Variants in CTNNA1 observed in about 807,000 individuals in gnomAD.
CTNNA1 encodes the protein catenin alpha-1.
Under a neutral mutation model 98.4 loss-of-function variants are expected in CTNNA1, and 37 were observed. That is an observed-to-expected ratio of 0.38 (90% confidence interval 0.29 to 0.49). The LOEUF is 0.49. CTNNA1 is among the 20% of genes least tolerant of loss of function. The pLI, the probability that CTNNA1 is intolerant of heterozygous loss-of-function variation, is 0.95. For synonymous variants in CTNNA1, 404 were observed against 413.2 expected, an observed-to-expected ratio of 0.98 and a Z score of 0.27; for missense variants, 761 against 1,147.2, an observed-to-expected ratio of 0.66 and a Z score of 4.86.
chr5:138,927,452 C>T (rs1319707399), intron 13 of CTNNA1, among the ~76,000 whole-genome samples: 2 of 152,034 alleles, frequency 1.3e-5, no homozygotes, highest in South Asian at 2.1e-4. Flanking sequence ...CCCTTCCCCA[C>T]GGCCTCTATG....
At position 138,909,356 on chromosome 5, in the gene CTNNA1, C is replaced by T. The variant is rs1031460921; in HGVS notation, c.1389+4915C>T. On this transcript the variant is annotated intron_variant, in intron 10 of 17. Transcript: ENST00000302763. The stretch of plus-strand genomic sequence containing the variant: ...ATCTACATTTTTTTCTTTCCTCCCC[C>T]CCCACCCTTTTTTTTTTTAAGAGAC... 7.3e-5 allele frequency among the ~76,000 whole-genome samples: 11 copies of T among 151,464 alleles called. No homozygotes were observed. In the East Asian group the frequency reaches 1.7e-3, roughly 24 times the overall value.
At chr5:138,776,807 C>T (rs1754288530) in intron 1 of CTNNA1, among the ~76,000 whole-genome samples, 1 of 141,478 alleles carries the variant, frequency 7.1e-6, no homozygotes, top group African/African-American at 2.7e-5. Flanking sequence ...GGGGCTGACC[C>T]CCCCACCTCC....
intron 9 of CTNNA1, among the ~76,000 whole-genome samples, chr5:138,898,044 T>C (rs1285151802): frequency 6.6e-6 from 1 of 152,214 alleles, no homozygotes; most frequent in Non-Finnish European, 1.5e-5. Context: ...TCCAGGGACC[T>C]GGTGGGAGGT....
chr5:138,862,539 A>C (rs1411685153), intron 7 of CTNNA1, among the ~76,000 whole-genome samples: 1 of 152,226 alleles, frequency 6.6e-6, no homozygotes, highest in African/African-American at 2.4e-5. Flanking sequence ...AAAAGACATC[A>C]CTTGATTTTA....
chr5:138,919,615 TGA>T (rs1762491561), intron 11 of CTNNA1, among the ~76,000 whole-genome samples: 1 of 152,200 alleles, frequency 6.6e-6, no homozygotes, highest in Admixed American at 6.5e-5. Flanking sequence ...TGCAAATGTA[TGA>T]GAGTATAAGA....
At chr5:138,818,116 C>T (rs977378510) in intron 5 of CTNNA1, among the ~76,000 whole-genome samples, 1 of 151,446 alleles carries the variant, frequency 6.6e-6, no homozygotes, top group Non-Finnish European at 1.5e-5. Flanking sequence ...GTTGATTTCC[C>T]CCTTTTTTTT....
At chr5:138,913,275 T>C (rs1288715425) in intron 10 of CTNNA1, among the ~76,000 whole-genome samples, 1 of 152,206 alleles carries the variant, frequency 6.6e-6, no homozygotes, top group Non-Finnish European at 1.5e-5. Flanking sequence ...TTATATTGTC[T>C]TTAGTTACAT....
chr5:138,867,107 A>G (rs1283014125), intron 7 of CTNNA1, among the ~76,000 whole-genome samples: 1 of 152,182 alleles, frequency 6.6e-6, no homozygotes, highest in Non-Finnish European at 1.5e-5. Flanking sequence ...TCTGCTTTTA[A>G]CTCTATCAAG....
chr5:138,873,410 C>T lies in CTNNA1; in HGVS notation c.1063-12802C>T. ...CACATGGTAACTTGATGAGCTTATT[C>T]TTTTTGTATATTCAGTGGTTGGATC... On this transcript the variant is annotated intron_variant, in intron 7 of 17. Coordinates refer to ENST00000302763, the MANE Select transcript of CTNNA1 (RefSeq NM_001903.5). This position sits in a 1 kb window ranked among gnomAD's most constrained non-coding sequence, Gnocchi z 6.1. 2 of 1,613,940 alleles carry T rather than the reference C, an allele frequency of 1.2e-6. No individual in the cohort carries two copies. Among genetic ancestry groups the T allele is most frequent in the South Asian group, 1.1e-5 (1 of 91,070 alleles).
chr5:138,792,862 C>T (rs1421863012), intron 3 of CTNNA1, among the ~76,000 whole-genome samples: 1 of 152,184 alleles, frequency 6.6e-6, no homozygotes, highest in Non-Finnish European at 1.5e-5. Flanking sequence ...AGTACAATAA[C>T]TTTATTAAAA....
chr5:138,787,863 A>C (rs141476956), intron 3 of CTNNA1, among the ~76,000 whole-genome samples: 1 of 152,344 alleles, frequency 6.6e-6, no homozygotes, highest in East Asian at 1.9e-4. Context: ...TGTTAAAAAA[A>C]TTCACGTACA....
At chr5:138,794,816 G>T (rs1291807068) in intron 3 of CTNNA1, among the ~76,000 whole-genome samples, 1 of 152,088 alleles carries the variant, frequency 6.6e-6, no homozygotes, top group Non-Finnish European at 1.5e-5. Context: ...GTGAAGTCTT[G>T]GTCCTGTTAT....
At chr5:138,933,081 C>T (rs1765737538) in intron 17 of CTNNA1, 2 of 683,458 alleles carry the variant, frequency 2.9e-6, no homozygotes. Context: ...TTGCAGTGAG[C>T]CGAGATGGCA....
intron 5 of CTNNA1, among the ~76,000 whole-genome samples, chr5:138,818,371 G>A (rs1043098790): frequency 7.3e-5 from 11 of 150,378 alleles, no homozygotes; most frequent in Non-Finnish European, 1.3e-4. Flanking sequence ...TTTTTATTGG[G>A]TTCTAGTGTT....
chr5:138,842,492 T>C (rs1272636023), intron 7 of CTNNA1, among the ~76,000 whole-genome samples: 2 of 152,232 alleles, frequency 1.3e-5, no homozygotes, highest in Non-Finnish European at 2.9e-5. Flanking sequence ...TACTATTTAG[T>C]GATTTCTGTT....
At chr5:138,848,396 T>G (rs1431172280) in intron 7 of CTNNA1, among the ~76,000 whole-genome samples, 1 of 152,176 alleles carries the variant, frequency 6.6e-6, no homozygotes, top group East Asian at 1.9e-4. Flanking sequence ...TCCTCTTTTT[T>G]TTGTTTGTTT....
intron 12 of CTNNA1, 127 bp downstream of exon 12, chr5:138,924,837 C>T (rs1251451535): frequency 6.0e-6 from 5 of 829,964 alleles, no homozygotes; most frequent in African/African-American, 1.7e-5. Context: ...CATGGCACAT[C>T]GGGCTCCTGA....
At chr5:138,893,946 C>G (rs1756102509) in intron 9 of CTNNA1, among the ~76,000 whole-genome samples, 1 of 151,672 alleles carries the variant, frequency 6.6e-6, no homozygotes, top group South Asian at 2.1e-4. Context: ...GAGACAGAGT[C>G]TTGTTCTGTC....
chr5:138,913,515 C>T (rs1174048529), intron 10 of CTNNA1, among the ~76,000 whole-genome samples: 9 of 151,066 alleles, frequency 6.0e-5, no homozygotes, highest in African/African-American at 1.7e-4. Context: ...ACCCGGGAGG[C>T]GGAGGTTGCA....
Sources: gnomAD v4.1 joint callset for allele counts (sites outside exome capture counted in the v4.1 genomes callset) on GRCh38, gnomAD v4.1.1 for gene constraint, Gnocchi (gnomAD v3.1) non-coding constraint, MANE v1.5 for transcripts, NCBI Gene and HGNC (gene_info 2026-07-23, HGNC 2026-07-21) for gene names.